The following FGF13 variants were observed in gnomAD, a reference collection of about 807,000 sequenced individuals.
FGF13 encodes fibroblast growth factor 13.
A neutral mutation model predicts 19.5 loss-of-function variants in FGF13; 2 were observed. The ratio of observed to expected loss-of-function variants is 0.10; its 90% CI spans 0.04 to 0.32. The LOEUF (loss-of-function observed/expected upper bound fraction) is 0.32. FGF13 is among the 10% of genes least tolerant of loss of function. The pLI is 1.00. For missense variants in FGF13, 113 were observed against 192.7 expected, an observed-to-expected ratio of 0.59 and a Z score of 2.45; for synonymous variants, 72 against 76.9, an observed-to-expected ratio of 0.94 and a Z score of 0.33.
rs191160561 is a variant in FGF13, at chrX:138,873,299, C to A, written c.-112-8649G>T. Reference sequence around the variant, plus strand: ...AAGGAAAGAGAGAGGTGAGGGAGTGCCGGTTTGGTCCTTCACAGATGGAAG... The same window carrying A: ...AAGGAAAGAGAGAGGTGAGGGAGTGACGGTTTGGTCCTTCACAGATGGAAG... On this transcript the variant is annotated intron_variant, in intron 1 of 2. Transcript: ENST00000421460. Among the ~76,000 whole-genome samples, 33 of 111,216 alleles carry A rather than the reference C, an allele frequency of 3.0e-4. 1 individual carries two copies. The highest frequency in any genetic ancestry group is 2.7e-3 in the Admixed American group (28 of 10,427).
chrX:138,648,219 A>C (rs1196478466), intron 3 of FGF13, among the ~76,000 whole-genome samples: 2 of 112,078 alleles, frequency 1.8e-5, no homozygotes, highest in African/African-American at 6.5e-5. Flanking sequence ...TGTGAACAGA[A>C]CCGTAACACT....
intron 1 of FGF13, among the ~76,000 whole-genome samples, chrX:138,912,928 T>C (rs898078461): frequency 3.6e-5 from 4 of 111,121 alleles, no homozygotes; most frequent in Non-Finnish European, 7.5e-5. Context: ...CTTCCTCTAT[T>C]TGCACGCAGT....
chrX:138,728,314 T>C (rs149973235), intron 1 of FGF13, among the ~76,000 whole-genome samples: 1,671 of 111,126 alleles, frequency 0.015, 38 homozygotes, highest in African/African-American at 0.051. Flanking sequence ...CCTTGAGCCA[T>C]TGCCCCTTGA....
At chrX:139,124,830 A>G (rs1265179644) in intron 1 of FGF13, among the ~76,000 whole-genome samples, 1 of 112,087 alleles carries the variant, frequency 8.9e-6, no homozygotes, top group African/African-American at 3.2e-5. Context: ...GTTCCACAGA[A>G]GTAAACCAGG....
At chrX:138,788,313 T>C (rs1177779600) in intron 3 of FGF13, among the ~76,000 whole-genome samples, 1 of 112,101 alleles carries the variant, frequency 8.9e-6, no homozygotes, top group Non-Finnish European at 1.9e-5. Context: ...AGAATAATCC[T>C]TTTTGGCTTA....
At chrX:138,948,411 C>G (rs2091792662) in intron 1 of FGF13, among the ~76,000 whole-genome samples, 1 of 111,965 alleles carries the variant, frequency 8.9e-6, no homozygotes, top group East Asian at 2.8e-4. Flanking sequence ...TTTGGCCAGG[C>G]AGTGTAGGCT....
Position 138,736,527 on chromosome X carries a change from T to C in FGF13, c.28+2715A>G, listed in dbSNP as rs766006771. ...GAACTGCATATCATGAGAAAGCACT[T>C]TGAGGCACTGCCCAGGTGATAATGG... is the stretch of plus-strand genomic sequence containing the variant. On this transcript the variant is annotated intron_variant, in intron 1 of 4. Coordinates refer to the FGF13 transcript ENST00000305414. 6.7e-4 allele frequency among the ~76,000 whole-genome samples: 74 copies of C among 110,730 alleles called. 1 individual carries two copies. The highest frequency in any genetic ancestry group is 2.3e-3 in the African/African-American group (69 of 30,474).
chrX:139,025,987 G>A (rs2092199248), intron 1 of FGF13, among the ~76,000 whole-genome samples: 1 of 110,600 alleles, frequency 9.0e-6, no homozygotes, highest in Admixed American at 9.7e-5. Flanking sequence ...GGTTCTATTT[G>A]CACCTCTCTG....
rs2088989166 is a variant in FGF13 at position 138,618,621 on chromosome X, A to C, written c.*14229T>G. The stretch of plus-strand genomic sequence containing the variant: ...CACATGGGTGCTCCCAAAACTTTGC[A>C]TGTCTCCCTCTCTCCTCTACCTTGG... On this transcript the variant is annotated 3_prime_UTR_variant, in exon 5 of 5. Coordinates refer to ENST00000315930, the MANE Select transcript of FGF13 (RefSeq NM_004114.5). 9.0e-6 allele frequency: 1 copy of C among 111,420 alleles called. No individual in the cohort carries two copies. Among genetic ancestry groups the C allele is most frequent in the African/African-American group, 3.3e-5 (1 of 30,531 alleles). 9.2% of individuals were successfully genotyped at this position (111,420 alleles called of 1,213,427 possible).
intron 4 of FGF13, among the ~76,000 whole-genome samples, chrX:138,633,510 C>G (rs2089145472): frequency 8.9e-6 from 1 of 111,984 alleles, no homozygotes; most frequent in Non-Finnish European, 1.9e-5. Context: ...CTATAGCATA[C>G]TGTACAAGGC....
At chrX:138,752,665 T>C (rs193243737) in intron 3 of FGF13, among the ~76,000 whole-genome samples, 16 of 111,711 alleles carry the variant, frequency 1.4e-4, no homozygotes, top group African/African-American at 4.9e-4. Context: ...AAGACCTCAT[T>C]ACCCCTGACC....
chrX:138,896,600 C>T (rs2091505571), intron 1 of FGF13, among the ~76,000 whole-genome samples: 2 of 112,026 alleles, frequency 1.8e-5, no homozygotes, highest in African/African-American at 6.5e-5. Context: ...CTTCATAAGA[C>T]AGCATATGTA....
chrX:138,838,273 T>A (rs2091126395), intron 3 of FGF13, among the ~76,000 whole-genome samples: 1 of 111,729 alleles, frequency 9.0e-6, no homozygotes. Flanking sequence ...TATGTACAGG[T>A]GTCCAACCTC....
chrX:138,976,218 CAT>C (rs770190057), intron 1 of FGF13, among the ~76,000 whole-genome samples: 5 of 111,426 alleles, frequency 4.5e-5, no homozygotes, highest in Non-Finnish European at 7.5e-5. Context: ...ACGCTGGAAA[CAT>C]GTGAGAGCTT....
rs1342855409 is a variant in FGF13, at chrX:138,723,603, G to C, written c.29-14675C>G. 7.2e-5 allele frequency among the ~76,000 whole-genome samples: 8 copies of C among 111,403 alleles called. No individual in the cohort carries two copies. The East Asian group carries it at 2.3e-3, about 31-fold the overall frequency. On this transcript the variant is annotated intron_variant, in intron 1 of 4. Coordinates refer to the FGF13 transcript ENST00000305414. ...GAATGCTAGAAACCCATCATCTTAGGTTATTTAACACTTCAATTCTGTTCA... is the reference window on the plus strand; with the variant it reads ...GAATGCTAGAAACCCATCATCTTAGCTTATTTAACACTTCAATTCTGTTCA...
intron 1 of FGF13, among the ~76,000 whole-genome samples, chrX:139,134,008 T>A (rs930718898): frequency 1.8e-5 from 2 of 111,447 alleles, no homozygotes; most frequent in Non-Finnish European, 3.8e-5. Flanking sequence ...GATACCATGG[T>A]CCCTGACTTC....
intron 2 of FGF13, among the ~76,000 whole-genome samples, chrX:138,858,905 AAC>A (rs201913076): frequency 0.018 from 1,990 of 112,064 alleles, 34 homozygotes; most frequent in African/African-American, 0.059. Context: ...ATAGTATAAA[AAC>A]CAACATAACT....
intron 1 of FGF13, among the ~76,000 whole-genome samples, chrX:138,893,869 A>G (rs2091489795): frequency 9.0e-6 from 1 of 111,453 alleles, no homozygotes; most frequent in South Asian, 3.8e-4. Context: ...AATGCTCCTC[A>G]ATGCACTAAT....
intron 1 of FGF13, among the ~76,000 whole-genome samples, chrX:139,202,590 C>T (rs1048041467): frequency 3.6e-5 from 4 of 111,450 alleles, no homozygotes; most frequent in Non-Finnish European, 5.6e-5. Flanking sequence ...GTCACCCTTT[C>T]GCCTATTTGG....
Sources: gnomAD v4.1 joint callset for allele counts (sites outside exome capture counted in the v4.1 genomes callset) on GRCh38, gnomAD v4.1.1 for gene constraint, MANE v1.5 for transcripts, NCBI Gene and HGNC (gene_info 2026-07-23, HGNC 2026-07-21) for gene names.